ATG7: variants seen among roughly 807,000 people sequenced by gnomAD.
The protein encoded by ATG7 is ubiquitin-like modifier-activating enzyme ATG7.
In ATG7, 70 loss-of-function variants were observed where a neutral mutation model predicts 82.4. The ratio of observed to expected loss-of-function variants is 0.85; its 90% CI spans 0.70 to 1.04. ATG7 has a LOEUF of 1.04. ATG7 is among the 50% of genes least tolerant of loss of function. ATG7 has a pLI of 0.00. For missense variants in ATG7, 792 were observed against 864.3 expected (o/e 0.92, Z 1.05); for synonymous variants, 287 against 313.0 (o/e 0.92, Z 0.88).
intron 20 of ATG7, among the ~76,000 whole-genome samples, chr3:11,441,596 C>A (rs545030938): frequency 1.3e-5 from 2 of 151,542 alleles, no homozygotes; most frequent in Admixed American, 6.6e-5. Context: ...GTAACTGTTA[C>A]AAGTTTCTGT....
chr3:11,323,732 AT>A (rs1950502460), intron 9 of ATG7, among the ~76,000 whole-genome samples: 1 of 152,206 alleles, frequency 6.6e-6, no homozygotes, highest in African/African-American at 2.4e-5. Flanking sequence ...AGGAGCAACA[AT>A]TTATATGCTG....
chr3:11,316,784 A>C (rs1035146664), intron 9 of ATG7, among the ~76,000 whole-genome samples: 5 of 152,246 alleles, frequency 3.3e-5, no homozygotes, highest in African/African-American at 7.2e-5. Flanking sequence ...ACAGGAGACT[A>C]TGAATTAAAA....
chr3:11,525,251 G>A (rs1042634909), intron 20 of ATG7, among the ~76,000 whole-genome samples: 11 of 151,054 alleles, frequency 7.3e-5, no homozygotes, highest in Non-Finnish European at 1.3e-4. Flanking sequence ...GGGTTGTCTC[G>A]GACTCCTGAC....
chr3:11,340,325 C>A (rs1466346513), intron 11 of ATG7, among the ~76,000 whole-genome samples: 1 of 146,068 alleles, frequency 6.8e-6, no homozygotes, highest in Admixed American at 6.8e-5. Context: ...TTTTTTTTTT[C>A]AGCAACTTCC....
At chr3:11,479,805 C>A (rs1256368415) in intron 20 of ATG7, among the ~76,000 whole-genome samples, 1 of 152,186 alleles carries the variant, frequency 6.6e-6, no homozygotes, top group Non-Finnish European at 1.5e-5. Flanking sequence ...CTCCCTCCAC[C>A]AAATTGCCTG....
intron 20 of ATG7, among the ~76,000 whole-genome samples, chr3:11,484,122 A>G (rs2089337703): frequency 6.6e-6 from 1 of 152,204 alleles, no homozygotes; most frequent in African/African-American, 2.4e-5. Context: ...GGCTGGGCAC[A>G]GTGGCTCACA....
At chr3:11,420,615 A>G (rs2081850088) in intron 19 of ATG7, among the ~76,000 whole-genome samples, 1 of 152,218 alleles carries the variant, frequency 6.6e-6, no homozygotes, top group African/African-American at 2.4e-5. Context: ...TGCAGCTAAT[A>G]TTGCAGTAAA....
rs61176051 is a variant in ATG7 at position 11,378,027 on chromosome 3, A to ATTTTTTTTTTTTTTTTTTTTTTTTTTT, written c.1876-1927_1876-1926insTTTTTTTTTTTTTTTTTTTTTTTTTTT. Among the ~76,000 whole-genome samples, 73 of 92,720 alleles carry ATTTTTTTTTTTTTTTTTTTTTTTTTTT rather than the reference A, an allele frequency of 7.9e-4. 7 individuals are homozygous for ATTTTTTTTTTTTTTTTTTTTTTTTTTT. The highest frequency in any genetic ancestry group is 1.5e-3 in the Admixed American group (10 of 6,888). 60.8% of individuals were successfully genotyped at this position (92,720 alleles called of 152,430 possible). ...GCTATCTAACTTATACCAGTTACCA[A>ATTTTTTTTTTTTTTTTTTTTTTTTTTT]TTTTTTTTTTTTTTTTTTGAGATGG... On this transcript the variant is annotated intron_variant, in intron 18 of 20. Transcript: ENST00000693202.
At chr3:11,377,194 T>C (rs2077484144) in intron 18 of ATG7, among the ~76,000 whole-genome samples, 1 of 152,230 alleles carries the variant, frequency 6.6e-6, no homozygotes, top group Non-Finnish European at 1.5e-5. Context: ...TGCAGTCGGT[T>C]GAGAAGAAGG....
chr3:11,554,091 G>A (rs2072121245), intron 20 of ATG7, among the ~76,000 whole-genome samples: 1 of 152,208 alleles, frequency 6.6e-6, no homozygotes, highest in East Asian at 1.9e-4. Context: ...ATGGGCCTGG[G>A]CCCATGGGGG....
chr3:11,566,207 C>T, the ATG7 span, among the ~76,000 whole-genome samples: 1 of 152,072 alleles, frequency 6.6e-6, no homozygotes, highest in Non-Finnish European at 1.5e-5. Flanking sequence ...TACACACACA[C>T]TGAATGTTAC....
intron 5 of ATG7, among the ~76,000 whole-genome samples, chr3:11,301,336 G>T (rs190113593): frequency 6.6e-6 from 1 of 152,192 alleles, no homozygotes; most frequent in Non-Finnish European, 1.5e-5. Context: ...TTGTACCTCA[G>T]CAGTATCAAG....
chr3:11,306,989 T>C lies in ATG7; in HGVS notation c.262T>C (p.Tyr88His). ...TTGCTGCCCAGCTATTGGAACACTG[T>C]ATAACACCAACACACTCGAGTCTTT... is the stretch of plus-strand genomic sequence containing the variant. ...ARCCPAIGTLYNTNTLESFKT... is the reference protein window; with the variant it reads ...ARCCPAIGTLHNTNTLESFKT... The change falls in exon 6 of 21, where the codon TAT becomes CAT. Residue 88 changes from tyrosine to histidine, a missense_variant. Physicochemically the swap from Tyr to His is moderately conservative, Grantham distance 83. Transcript: ENST00000693202. 8 of 1,614,134 alleles carry C rather than the reference T, an allele frequency of 5.0e-6. No individual in the cohort carries two copies. The highest frequency in any genetic ancestry group is 6.8e-6 in the Non-Finnish European group (8 of 1,180,020).
chr3:11,415,844 A>G (rs1217784993), intron 19 of ATG7, among the ~76,000 whole-genome samples: 1 of 152,200 alleles, frequency 6.6e-6, no homozygotes, highest in African/African-American at 2.4e-5. Flanking sequence ...ATATAAACAT[A>G]ACATAGTTGA....
chr3:11,382,326 C>T (rs895649693), intron 19 of ATG7, among the ~76,000 whole-genome samples: 1 of 152,196 alleles, frequency 6.6e-6, no homozygotes, highest in Non-Finnish European at 1.5e-5. Context: ...CGAGCGAGAG[C>T]TTTTTATGTA....
Position 11,491,455 on chromosome 3 carries a change from G to A in ATG7, c.2080-63356G>A, listed in dbSNP as rs555184043. Among the ~76,000 whole-genome samples, 49 of 152,296 alleles carry A rather than the reference G, an allele frequency of 3.2e-4. No individual in the cohort carries two copies. The South Asian group carries it at 9.7e-3, about 30-fold the overall frequency. On this transcript the variant is annotated intron_variant, in intron 20 of 20. Coordinates refer to ENST00000693202, the MANE Select transcript of ATG7 (RefSeq NM_001349232.2). ...GCTCAGAGTAGTTTGATCGTCAGAA[G>A]CCTTCTTCTCTCAACTCGTCAAAGT...
chr3:11,436,963 A>C (rs1042271353), intron 20 of ATG7, among the ~76,000 whole-genome samples: 1 of 152,184 alleles, frequency 6.6e-6, no homozygotes, highest in Non-Finnish European at 1.5e-5. Context: ...CGAGGTGATG[A>C]AATGTTCTAA....
chr3:11,327,327 G>A (rs907247612), intron 9 of ATG7, among the ~76,000 whole-genome samples: 2 of 152,194 alleles, frequency 1.3e-5, no homozygotes, highest in Admixed American at 1.3e-4. Context: ...TTACAATTGT[G>A]TATATTTATG....
At chr3:11,562,751 C>T in the ATG7 span, among the ~76,000 whole-genome samples, 91 of 152,348 alleles carry the variant, frequency 6.0e-4, no homozygotes, top group South Asian at 1.0e-3. Flanking sequence ...CAACCCCAGC[C>T]GAAAATGACA....
Sources: allele counts gnomAD v4.1 joint callset (sites outside exome capture counted in the v4.1 genomes callset), GRCh38; gene constraint gnomAD v4.1.1; transcripts MANE v1.5; gene names NCBI Gene and HGNC (gene_info 2026-07-23, HGNC 2026-07-21).